NEDD4L: variants seen among roughly 807,000 people sequenced by gnomAD.
The protein encoded by NEDD4L is E3 ubiquitin-protein ligase NEDD4-like.
A neutral mutation model predicts 148.9 loss-of-function variants in NEDD4L; 54 were observed. The ratio of observed to expected loss-of-function variants is 0.36; its 90% CI spans 0.29 to 0.45. The LOEUF is 0.45. Ranked by LOEUF, NEDD4L falls within the 20% of genes least tolerant of loss-of-function variation. The probability of loss-of-function intolerance (pLI) is 1.00; values close to 1 mark genes in which losing one functional copy is unlikely to be tolerated. For missense variants in NEDD4L, 856 were observed against 1,233.8 expected (o/e 0.69, Z 4.59); for synonymous variants, 433 against 440.7 (o/e 0.98, Z 0.22).
At chr18:58,131,528 G>T (rs1357128841) in intron 1 of NEDD4L, among the ~76,000 whole-genome samples, 1 of 151,792 alleles carries the variant, frequency 6.6e-6, no homozygotes, top group Non-Finnish European at 1.5e-5. Context: ...GTTGGGGTTT[G>T]GTTGTGATCT....
At position 58,210,469 on chromosome 18, in the gene NEDD4L, A is replaced by T. The variant is rs578227292; in HGVS notation, c.123-34958A>T. ...TTTGTTTGTTTGTTTGTTTTTGGAG[A>T]TGGAGTTTCGCTCTTGTTGCCCAGG... On this transcript the variant is annotated intron_variant, in intron 2 of 30. Coordinates refer to ENST00000400345, the MANE Select transcript of NEDD4L (RefSeq NM_001144967.3). 3.9e-5 allele frequency among the ~76,000 whole-genome samples: 6 copies of T among 152,268 alleles called. No homozygotes were observed. The South Asian group carries it at 1.2e-3, about 32-fold the overall frequency.
chr18:58,249,349 G>A (rs1027136878), intron 4 of NEDD4L, among the ~76,000 whole-genome samples: 1 of 152,118 alleles, frequency 6.6e-6, no homozygotes, highest in South Asian at 2.1e-4. Flanking sequence ...TAGTTAGGGA[G>A]GAAAATTTTG....
Position 58,367,868 on chromosome 18 carries a change from G to T in NEDD4L, c.2185+1G>T. 6.2e-7 allele frequency: 1 copy of T among 1,613,948 alleles called. No homozygotes were observed. The highest frequency in any genetic ancestry group is 8.5e-7 in the Non-Finnish European group (1 of 1,179,866). On this transcript the variant is annotated splice_donor_variant, in intron 22 of 30. Coordinates refer to ENST00000400345, the MANE Select transcript of NEDD4L (RefSeq NM_001144967.3). LOFTEE classifies it high-confidence loss of function. ...GTATTTCATGGGAAGCTCTTAGATG[G>T]TAAGTCTTGAAGTAATAAAAATAGG...
chr18:58,256,147 G>A lies in NEDD4L; in HGVS notation c.297+4093G>A. The A allele has an allele frequency of 8.2e-7, 1 of 1,222,316 alleles. No homozygotes were observed. Among genetic ancestry groups the A allele is most frequent in the Non-Finnish European group, 1.0e-6 (1 of 982,076 alleles). 75.7% of individuals were successfully genotyped at this position (1,222,316 alleles called of 1,614,324 possible). ...ACCCAGGGCTCCAGGTCAACGGCAC[G>A]TGCGGCCGCCGCGTGCGGTGCTCCG... On this transcript the variant is annotated intron_variant, in intron 5 of 30. Coordinates refer to ENST00000400345, the MANE Select transcript of NEDD4L (RefSeq NM_001144967.3). The surrounding 1 kb of genome is among the most constrained non-coding windows in gnomAD (Gnocchi z 5.2).
At chr18:58,286,871 A>G (rs2053980103) in intron 5 of NEDD4L, among the ~76,000 whole-genome samples, 1 of 152,144 alleles carries the variant, frequency 6.6e-6, no homozygotes, top group African/African-American at 2.4e-5. Context: ...GCATTTGGAA[A>G]TTTTCATGAT....
intron 1 of NEDD4L, among the ~76,000 whole-genome samples, chr18:58,100,662 G>C (rs913312589): frequency 6.6e-6 from 1 of 152,136 alleles, no homozygotes; most frequent in African/African-American, 2.4e-5. Context: ...AGTGGGCAAG[G>C]CCTTAAAAAC....
chr18:58,067,721 TGAG>T (rs1036838472), intron 1 of NEDD4L, among the ~76,000 whole-genome samples: 26 of 152,306 alleles, frequency 1.7e-4, no homozygotes, highest in African/African-American at 6.0e-4. Context: ...GTGGAACACT[TGAG>T]GAGTGGGAGC....
intron 2 of NEDD4L, among the ~76,000 whole-genome samples, chr18:58,188,680 C>G (rs921044553): frequency 3.3e-5 from 5 of 152,242 alleles, no homozygotes; most frequent in African/African-American, 1.2e-4. Context: ...CATTGGTGGC[C>G]AGGGCTTTGC....
At chr18:58,114,055 T>C (rs2085599416) in intron 1 of NEDD4L, among the ~76,000 whole-genome samples, 1 of 152,330 alleles carries the variant, frequency 6.6e-6, no homozygotes, top group African/African-American at 2.4e-5. Context: ...AGATCTCCTT[T>C]AATGTTTTTT....
intron 1 of NEDD4L, among the ~76,000 whole-genome samples, chr18:58,144,470 C>T (rs964419602): frequency 3.3e-5 from 5 of 152,104 alleles, no homozygotes; most frequent in African/African-American, 1.2e-4. Context: ...CACTTCCCAC[C>T]AAGCCCCACC....
chr18:58,207,022 A>G (rs1217594371), intron 2 of NEDD4L, among the ~76,000 whole-genome samples: 1 of 152,214 alleles, frequency 6.6e-6, no homozygotes, highest in Non-Finnish European at 1.5e-5. Context: ...GTGAAAGTGC[A>G]TATTAGTTCT....
rs2048393536 is a variant in NEDD4L at position 58,255,403 on chromosome 18, GGCC to G, written c.297+3350_297+3352del. 4 of 826,392 alleles carry G rather than the reference GGCC, an allele frequency of 4.8e-6. No homozygotes were observed. In the East Asian group the frequency reaches 1.4e-4, roughly 30 times the overall value. The allele number at this position is 826,392 out of a possible 1,614,324, so 51.2% of individuals were successfully genotyped here. A position where few individuals can be genotyped will look rare whatever the true frequency, so the allele number is the denominator to read the frequency against. On this transcript the variant is annotated intron_variant, in intron 5 of 30. Coordinates refer to ENST00000400345, the MANE Select transcript of NEDD4L (RefSeq NM_001144967.3). Reference sequence around the variant, plus strand: ...GGGGAGAGCGCGGTCATGTGGTTCTGGCCACCCTACCCTCTGTCACAGTGTGGA... The same window carrying G: ...GGGGAGAGCGCGGTCATGTGGTTCTGACCCTACCCTCTGTCACAGTGTGGA...
At chr18:58,290,646 T>TA (rs2054584902) in intron 5 of NEDD4L, among the ~76,000 whole-genome samples, 2 of 152,128 alleles carry the variant, frequency 1.3e-5, no homozygotes, top group African/African-American at 4.8e-5. Flanking sequence ...TCCTACAAAT[T>TA]AGAGTGAGAA....
chr18:58,323,800 G>T (rs899795023), intron 8 of NEDD4L, among the ~76,000 whole-genome samples: 3 of 152,090 alleles, frequency 2.0e-5, no homozygotes, highest in Non-Finnish European at 2.9e-5. Flanking sequence ...ATTCTGCAAC[G>T]AGCTGACCAG....
chr18:58,109,527 G>A (rs2085280704), intron 1 of NEDD4L, among the ~76,000 whole-genome samples: 1 of 151,796 alleles, frequency 6.6e-6, no homozygotes, highest in South Asian at 2.1e-4. Flanking sequence ...TGTGAAAGGG[G>A]ACAGATCACA....
chr18:58,246,462 G>GTTAT (rs982097608), intron 3 of NEDD4L, among the ~76,000 whole-genome samples: 1 of 151,910 alleles, frequency 6.6e-6, no homozygotes, highest in Non-Finnish European at 1.5e-5. Flanking sequence ...ATGTCTTTTA[G>GTTAT]TTATTTATTT....
chr18:58,154,454 T>G (rs556582927), intron 1 of NEDD4L, among the ~76,000 whole-genome samples: 1 of 152,292 alleles, frequency 6.6e-6, no homozygotes, highest in Non-Finnish European at 1.5e-5. Flanking sequence ...AGATGTTGCT[T>G]CCAGTGCAGG....
Position 58,311,486 on chromosome 18 carries a change from G to C in NEDD4L, c.298-4496G>C, listed in dbSNP as rs549432716. Among the ~76,000 whole-genome samples the C allele has an allele frequency of 2.2e-4, 33 of 152,300 alleles. 1 individual carries two copies. In the Middle Eastern group the frequency reaches 0.01, roughly 47 times the overall value. On this transcript the variant is annotated intron_variant, in intron 5 of 30. Transcript: ENST00000400345. Reference sequence around the variant, plus strand: ...CCAGCTGGGGGTCTTTAGGACCCCAGCGTGACCTGTGGGTAGCCCTTACTT... The same window carrying C: ...CCAGCTGGGGGTCTTTAGGACCCCACCGTGACCTGTGGGTAGCCCTTACTT...
chr18:58,141,990 G>A (rs1388072167), intron 1 of NEDD4L, among the ~76,000 whole-genome samples: 2 of 150,124 alleles, frequency 1.3e-5, no homozygotes, highest in African/African-American at 4.9e-5. Context: ...AGGCACTGTG[G>A]GTTTTGTCTA....
Sources: gnomAD v4.1 joint callset for allele counts (sites outside exome capture counted in the v4.1 genomes callset) on GRCh38, gnomAD v4.1.1 for gene constraint, Gnocchi (gnomAD v3.1) non-coding constraint, MANE v1.5 for transcripts, NCBI Gene and HGNC (gene_info 2026-07-23, HGNC 2026-07-21) for gene names.